Variants in WDR41 observed in about 807,000 individuals in gnomAD.
WDR41 encodes the protein WD repeat domain 41.
Under a neutral mutation model 69.3 loss-of-function variants are expected in WDR41, and 63 were observed. The observed-to-expected ratio is 0.91, with a 90% CI of 0.74 to 1.12. WDR41 has a LOEUF of 1.12. WDR41 is among the 50% of genes most tolerant of loss of function. The probability of loss-of-function intolerance (pLI) is 0.00; values close to 1 mark genes in which losing one functional copy is unlikely to be tolerated. For synonymous variants in WDR41, 185 were observed against 192.1 expected (o/e 0.96, Z 0.31); for missense variants, 543 against 534.5 (o/e 1.02, Z -0.16).
At chr5:77,550,464 C>T (rs1743276593) in intron 1 of WDR41, among the ~76,000 whole-genome samples, 1 of 152,010 alleles carries the variant, frequency 6.6e-6, no homozygotes, top group Non-Finnish European at 1.5e-5. Context: ...CAAAAGAAGA[C>T]AAAAAAGTGG....
intron 1 of WDR41, among the ~76,000 whole-genome samples, chr5:77,525,733 G>T (rs60814259): frequency 0.22 from 33,708 of 152,016 alleles, 5,049 homozygotes; most frequent in African/African-American, 0.39. Flanking sequence ...AGATTCCAAG[G>T]GCAGTACATT....
chr5:77,555,109 A>G (rs1439202145), intron 1 of WDR41, among the ~76,000 whole-genome samples: 5 of 152,022 alleles, frequency 3.3e-5, no homozygotes, highest in Non-Finnish European at 7.4e-5. Context: ...AAATACAAGT[A>G]TATAGAACTT....
upstream of WDR41, among the ~76,000 whole-genome samples, chr5:77,493,559 T>C (rs1801889194): frequency 6.6e-6 from 1 of 152,202 alleles, no homozygotes; most frequent in South Asian, 2.1e-4. Flanking sequence ...TTCATCTTTG[T>C]ATTCCTTTTG....
Position 77,440,835 on chromosome 5 carries a change from TGAA to T in WDR41, c.857_859del (p.Ile286_His287delinsAsn), listed in dbSNP as rs781425904. On this transcript the variant is annotated inframe_deletion, in exon 9 of 13. Coordinates refer to ENST00000296679, the MANE Select transcript of WDR41 (RefSeq NM_018268.4). ...TACCTCTTCATCACATGTGAAATGA[TGAA>T]TAGAAATGTCATTTGATTTTTGACA... 1 of 1,614,218 alleles carries T rather than the reference TGAA, an allele frequency of 6.2e-7. No homozygotes were observed. The highest frequency in any genetic ancestry group is 8.5e-7 in the Non-Finnish European group (1 of 1,180,044).
At chr5:77,553,160 C>A (rs1301526194) in intron 1 of WDR41, among the ~76,000 whole-genome samples, 2 of 152,282 alleles carry the variant, frequency 1.3e-5, no homozygotes, top group Non-Finnish European at 2.9e-5. Flanking sequence ...TTTTTTGCTG[C>A]TATAACAAAA....
chr5:77,510,920 T>C (rs1802187890), intron 1 of WDR41, among the ~76,000 whole-genome samples: 1 of 151,712 alleles, frequency 6.6e-6, no homozygotes, highest in Non-Finnish European at 1.5e-5. Flanking sequence ...TACAGGCACA[T>C]ACCACCACAC....
intron 1 of WDR41, among the ~76,000 whole-genome samples, chr5:77,558,094 T>TTTTAAAAAA (rs1554036365): frequency 1.9e-5 from 2 of 104,308 alleles, no homozygotes; most frequent in African/African-American, 7.2e-5. Context: ...ATGTTCTTTT[T>TTTTAAAAAA]AAAAAAAAAA....
intron 2 of WDR41, among the ~76,000 whole-genome samples, chr5:77,477,100 G>A (rs1002845830): frequency 5.9e-4 from 87 of 148,296 alleles, no homozygotes; most frequent in Non-Finnish European, 9.9e-4. Flanking sequence ...ATGGTAAAGG[G>A]ATCAATTCAA....
At chr5:77,433,390 C>T in intron 12 of WDR41, 103 bp from the exon 13 acceptor site, 1 of 994,678 alleles carries the variant, frequency 1.0e-6, no homozygotes, top group Non-Finnish European at 1.4e-6. Flanking sequence ...TTAAAGACTC[C>T]TTTGGATCTG....
chr5:77,524,691 T>A (rs1471924409), intron 1 of WDR41, among the ~76,000 whole-genome samples: 1 of 152,154 alleles, frequency 6.6e-6, no homozygotes, highest in African/African-American at 2.4e-5. Context: ...TTTCCTCAAC[T>A]CCATAGCTCT....
At chr5:77,470,345 C>A (rs1280555396) in intron 2 of WDR41, among the ~76,000 whole-genome samples, 1 of 152,088 alleles carries the variant, frequency 6.6e-6, no homozygotes, top group Non-Finnish European at 1.5e-5. Context: ...TAAAGACCAT[C>A]GAGGCTAGGA....
chr5:77,431,852 G>GTTGT lies in WDR41; in HGVS notation c.*1279_*1282dup, dbSNP rs1010665154. 4 of 148,008 alleles carry GTTGT rather than the reference G, an allele frequency of 2.7e-5. No individual in the cohort carries two copies. The highest frequency in any genetic ancestry group is 1.0e-4 in the African/African-American group (4 of 40,006). 9.2% of individuals were successfully genotyped at this position (148,008 alleles called of 1,614,324 possible). On this transcript the variant is annotated 3_prime_UTR_variant, in exon 13 of 13. Transcript: ENST00000296679. Reference sequence around the variant, plus strand: ...TCCATAGAACTTTTCATGACTCAATGTTGTTTGGATTTAAAGTAGTCATAT... The same window carrying GTTGT: ...TCCATAGAACTTTTCATGACTCAATGTTGTTTGTTTGGATTTAAAGTAGTCATAT...
At chr5:77,512,189 A>C (rs1392153434) in intron 1 of WDR41, among the ~76,000 whole-genome samples, 1 of 152,232 alleles carries the variant, frequency 6.6e-6, no homozygotes, top group Non-Finnish European at 1.5e-5. Context: ...ACATTACAAA[A>C]TATTCATGCC....
At position 77,440,932 on chromosome 5, in the gene WDR41, T is replaced by C; in HGVS notation, c.763A>G (p.Met255Val). 1 of 1,614,210 alleles carries C rather than the reference T, an allele frequency of 6.2e-7. No individual in the cohort carries two copies. Among genetic ancestry groups the C allele is most frequent in the Non-Finnish European group, 8.5e-7 (1 of 1,180,040 alleles). Reference protein sequence around the residue: ...LIIWDALDWTMQAYERNFWDP... With the variant: ...LIIWDALDWTVQAYERNFWDP... ...CAGAAGTTGCGTTCATAGGCCTGCA[T>C]GGTCCAGTCCAGGGCATCCCAGATG... The change falls in exon 9 of 13, where the codon ATG becomes GTG. Residue 255 changes from methionine (M) to valine (V), a missense_variant. Physicochemically the swap from Met to Val is conservative, Grantham distance 21. Transcript: ENST00000296679.
At chr5:77,433,732 CAAG>C (rs10534721) in intron 12 of WDR41, among the ~76,000 whole-genome samples, 7,522 of 152,188 alleles carry the variant, frequency 0.049, 332 homozygotes, top group Admixed American at 0.13. Flanking sequence ...TCCCTACCCT[CAAG>C]AAGATTCTGA....
intron 1 of WDR41, among the ~76,000 whole-genome samples, chr5:77,617,868 G>A (rs1744705987): frequency 1.3e-5 from 2 of 152,184 alleles, no homozygotes; most frequent in Admixed American, 1.3e-4. Context: ...CTTGAATGTT[G>A]CAAGCAAATA....
chr5:77,462,876 A>T (rs1800132218), intron 4 of WDR41, among the ~76,000 whole-genome samples: 1 of 152,234 alleles, frequency 6.6e-6, no homozygotes. Context: ...GAACAGCAAT[A>T]GTCACGGAGT....
intron 1 of WDR41, among the ~76,000 whole-genome samples, chr5:77,611,310 T>C (rs1008682859): frequency 5.3e-5 from 8 of 152,244 alleles, no homozygotes; most frequent in South Asian, 2.1e-4. Context: ...GCAGATCTAA[T>C]AGACATCTAC....
At chr5:77,600,936 T>C (rs1744312609) in intron 1 of WDR41, among the ~76,000 whole-genome samples, 1 of 149,492 alleles carries the variant, frequency 6.7e-6, no homozygotes, top group Non-Finnish European at 1.5e-5. Context: ...TGTATGTGTG[T>C]GTGTGTGTGT....
Sources: allele counts gnomAD v4.1 joint callset (sites outside exome capture counted in the v4.1 genomes callset), GRCh38; gene constraint gnomAD v4.1.1; transcripts MANE v1.5; gene names NCBI Gene and HGNC (gene_info 2026-07-23, HGNC 2026-07-21).